NDUFAF2: variants seen among roughly 807,000 people sequenced by gnomAD.
The protein encoded by NDUFAF2 is NADH dehydrogenase [ubiquinone] 1 alpha subcomplex assembly factor 2.
A neutral mutation model predicts 22.8 loss-of-function variants in NDUFAF2; 13 were observed. The observed-to-expected ratio is 0.57, with a 90% CI of 0.37 to 0.91. The LOEUF is 0.91. Among genes scored for constraint, NDUFAF2 ranks in the 40% least tolerant of loss-of-function variants. The pLI, the probability that NDUFAF2 is intolerant of heterozygous loss-of-function variation, is 0.01. For missense variants in NDUFAF2, 162 were observed against 195.2 expected, an observed-to-expected ratio of 0.83 and a Z score of 1.01; for synonymous variants, 53 against 64.2, an observed-to-expected ratio of 0.83 and a Z score of 0.84.
intron 1 of NDUFAF2, among the ~76,000 whole-genome samples, chr5:60,980,292 C>G (rs1262088070): frequency 1.3e-5 from 2 of 152,156 alleles, no homozygotes; most frequent in African/African-American, 4.8e-5. Context: ...AATACATGAT[C>G]TCACCAAACA....
chr5:61,024,573 G>A (rs887097029), intron 1 of NDUFAF2, among the ~76,000 whole-genome samples: 1 of 151,918 alleles, frequency 6.6e-6, no homozygotes, highest in Non-Finnish European at 1.5e-5. Context: ...CTGTTTTACT[G>A]TTGAGATAAT....
chr5:61,050,501 G>C (rs949783660), intron 1 of NDUFAF2: 3 of 151,944 alleles, frequency 2.0e-5, no homozygotes, highest in Non-Finnish European at 4.4e-5. Flanking sequence ...AGCATGGCTT[G>C]GAACTGGCCA....
At chr5:61,047,148 T>C (rs1007484636) in intron 1 of NDUFAF2, among the ~76,000 whole-genome samples, 14 of 147,138 alleles carry the variant, frequency 9.5e-5, no homozygotes, top group Non-Finnish European at 1.5e-4. Context: ...ACCTGACTTA[T>C]GATGATTCTT....
chr5:61,145,873 C>G (rs986448219), intron 3 of NDUFAF2: 4 of 152,062 alleles, frequency 2.6e-5, no homozygotes, highest in African/African-American at 9.7e-5. Context: ...ATATTTCACT[C>G]CAGGAGACTC....
chr5:60,966,565 C>A (rs1750760603), intron 1 of NDUFAF2, among the ~76,000 whole-genome samples: 1 of 152,086 alleles, frequency 6.6e-6, no homozygotes, highest in South Asian at 2.1e-4. Flanking sequence ...TAATTTCATT[C>A]TTTTGCATGT....
At chr5:60,974,587 A>G (rs1561531651) in intron 1 of NDUFAF2, among the ~76,000 whole-genome samples, 3 of 152,094 alleles carry the variant, frequency 2.0e-5, no homozygotes, top group South Asian at 2.1e-4. Context: ...TCCTGAGCTC[A>G]GGTAATCCAC....
intron 3 of NDUFAF2, among the ~76,000 whole-genome samples, chr5:61,108,259 C>A (rs1375994365): frequency 6.7e-6 from 1 of 148,496 alleles, no homozygotes; most frequent in Non-Finnish European, 1.5e-5. Flanking sequence ...AGTTCTAGAT[C>A]CCTGAGGAAT....
At chr5:60,998,821 T>C (rs1006021482) in intron 1 of NDUFAF2, among the ~76,000 whole-genome samples, 1 of 151,398 alleles carries the variant, frequency 6.6e-6, no homozygotes, top group African/African-American at 2.4e-5. Flanking sequence ...AATTTATTTT[T>C]TGGCTAGCTA....
At chr5:61,049,496 A>T (rs1751995977) in intron 1 of NDUFAF2, among the ~76,000 whole-genome samples, 1 of 152,140 alleles carries the variant, frequency 6.6e-6, no homozygotes, top group Non-Finnish European at 1.5e-5. Flanking sequence ...CTTAGGCTGT[A>T]GTTCAGTGGT....
rs570337670 is a variant in NDUFAF2 at position 61,022,726 on chromosome 5, C to G, written c.128-50399C>G. Among the ~76,000 whole-genome samples, 15 of 152,274 alleles carry G rather than the reference C, an allele frequency of 9.9e-5. No homozygotes were observed. In the South Asian group the frequency reaches 3.1e-3, roughly 32 times the overall value. On this transcript the variant is annotated intron_variant, in intron 1 of 3. Transcript: ENST00000296597. ...GTGGCGTGATCTCAGCTCACTGCAACCTCTGCCTCCCAGGTTCAAGCGATT... is the reference window on the plus strand; with the variant it reads ...GTGGCGTGATCTCAGCTCACTGCAAGCTCTGCCTCCCAGGTTCAAGCGATT...
chr5:60,985,996 C>T (rs1751069664), intron 1 of NDUFAF2, among the ~76,000 whole-genome samples: 1 of 152,168 alleles, frequency 6.6e-6, no homozygotes, highest in Admixed American at 6.5e-5. Flanking sequence ...CAGGCAACAA[C>T]ACACTGGTGA....
intron 1 of NDUFAF2, among the ~76,000 whole-genome samples, chr5:61,054,124 C>T (rs1752058898): frequency 6.6e-6 from 1 of 151,852 alleles, no homozygotes; most frequent in Admixed American, 6.6e-5. Context: ...TTTTTAGAGC[C>T]CAGGAGTTCA....
intron 2 of NDUFAF2, among the ~76,000 whole-genome samples, chr5:61,085,513 A>G (rs1466446103): frequency 1.3e-5 from 2 of 152,172 alleles, no homozygotes; most frequent in Non-Finnish European, 2.9e-5. Flanking sequence ...TTCTTTGACT[A>G]TTTACATTTC....
At chr5:61,149,600 T>C (rs1424231819) in intron 3 of NDUFAF2, among the ~76,000 whole-genome samples, 1 of 152,188 alleles carries the variant, frequency 6.6e-6, no homozygotes, top group Non-Finnish European at 1.5e-5. Flanking sequence ...TTTTTAAATG[T>C]TAAAGAAAAA....
intron 1 of NDUFAF2, among the ~76,000 whole-genome samples, chr5:61,066,009 A>T (rs1752223188): frequency 6.6e-6 from 1 of 152,102 alleles, no homozygotes; most frequent in Admixed American, 6.6e-5. Context: ...AAGTTACAGG[A>T]TACAAAAATT....
In NDUFAF2 at chr5:60,994,254, G is replaced by T. The variant is rs564057710; in HGVS notation, c.127+48872G>T. Among the ~76,000 whole-genome samples, 29 of 152,370 alleles carry T rather than the reference G, an allele frequency of 1.9e-4. 1 individual carries two copies. The highest frequency in any genetic ancestry group is 7.0e-4 in the African/African-American group (29 of 41,586). ...ACTTCTGAGCCTGTTGGGGCAGGAG[G>T]AGCCTTCTCAGTCTCCCGAGAGTGC... is the stretch of plus-strand genomic sequence containing the variant. On this transcript the variant is annotated intron_variant, in intron 1 of 3. Transcript: ENST00000296597.
intron 1 of NDUFAF2, among the ~76,000 whole-genome samples, chr5:61,012,039 CT>C (rs1751448834): frequency 6.6e-6 from 1 of 152,128 alleles, no homozygotes; most frequent in Non-Finnish European, 1.5e-5. Context: ...CAATTAACGT[CT>C]TTAAAGCTTT....
At chr5:60,972,497 A>T (rs146448986) in intron 1 of NDUFAF2, among the ~76,000 whole-genome samples, 8 of 152,232 alleles carry the variant, frequency 5.3e-5, no homozygotes, top group Non-Finnish European at 2.9e-5. Flanking sequence ...CCCTGTGAAG[A>T]GGTGCCTTCT....
Position 61,118,771 on chromosome 5 carries a change from C to T in NDUFAF2, c.258+19739C>T, listed in dbSNP as rs139818765. Among the ~76,000 whole-genome samples the T allele has an allele frequency of 1.8e-3, 275 of 151,974 alleles. 3 individuals carry two copies. The highest frequency in any genetic ancestry group is 0.013 in the Admixed American group (191 of 15,252). ...CTTTGAAGATAAAATGTGCAAAAAA[C>T]GAAGAAAAAACACTGCTACTATTAT... On this transcript the variant is annotated intron_variant, in intron 3 of 3. Coordinates refer to ENST00000296597, the MANE Select transcript of NDUFAF2 (RefSeq NM_174889.5).
Sources: gnomAD v4.1 joint callset for allele counts (sites outside exome capture counted in the v4.1 genomes callset) on GRCh38, gnomAD v4.1.1 for gene constraint, MANE v1.5 for transcripts, NCBI Gene and HGNC (gene_info 2026-07-23, HGNC 2026-07-21) for gene names.